The following SPON1 variants were observed in gnomAD, a reference collection of about 807,000 sequenced individuals.
The protein encoded by SPON1 is spondin-1.
SPON1 carries 52 observed loss-of-function variants against 111.7 expected under a neutral mutation model. That is an observed-to-expected ratio of 0.47 (90% CI 0.37 to 0.59). SPON1 has a LOEUF of 0.59. SPON1 is among the 20% of genes least tolerant of loss of function. The pLI, the probability that SPON1 is intolerant of heterozygous loss-of-function variation, is 0.00. For synonymous variants in SPON1, 410 were observed against 395.8 expected (o/e 1.04, Z -0.43); for missense variants, 957 against 1,068.5 (o/e 0.90, Z 1.46).
At chr11:13,984,556 T>G (rs75509644) in intron 2 of SPON1, among the ~76,000 whole-genome samples, 125 of 152,166 alleles carry the variant, frequency 8.2e-4, no homozygotes, top group African/African-American at 2.9e-3. Context: ...ACTAATCCAC[T>G]CCCACGACAA....
intron 6 of SPON1, among the ~76,000 whole-genome samples, chr11:14,137,132 G>C (rs1403200606): frequency 6.6e-6 from 1 of 152,164 alleles, no homozygotes; most frequent in East Asian, 1.9e-4. Flanking sequence ...GCTTTCTTGA[G>C]AGGTTTCTGG....
intron 6 of SPON1, among the ~76,000 whole-genome samples, chr11:14,193,445 C>T (rs1848368601): frequency 6.6e-6 from 1 of 152,156 alleles, no homozygotes; most frequent in African/African-American, 2.4e-5. Flanking sequence ...AACGTATGCA[C>T]ACATATATAT....
chr11:14,183,573 A>T (rs1178321402), intron 6 of SPON1, among the ~76,000 whole-genome samples: 1 of 152,194 alleles, frequency 6.6e-6, no homozygotes, highest in Non-Finnish European at 1.5e-5. Context: ...TTAGAGTTGG[A>T]AGAGAGGGAG....
intron 3 of SPON1, among the ~76,000 whole-genome samples, chr11:14,044,423 T>C (rs1472738318): frequency 1.3e-5 from 2 of 151,936 alleles, no homozygotes; most frequent in Non-Finnish European, 2.9e-5. Context: ...ACCAGCCTGG[T>C]CAACATGGCA....
At chr11:14,205,588 G>A (rs1189494474) in intron 6 of SPON1, among the ~76,000 whole-genome samples, 1 of 152,094 alleles carries the variant, frequency 6.6e-6, no homozygotes, top group Admixed American at 6.5e-5. Context: ...ATTTATGATT[G>A]CAACAACATT....
intron 5 of SPON1, among the ~76,000 whole-genome samples, chr11:14,108,070 AGC>A (rs1164127828): frequency 6.6e-6 from 1 of 152,166 alleles, no homozygotes; most frequent in Non-Finnish European, 1.5e-5. Context: ...TACTAGCTGT[AGC>A]ACCTTGCAGA....
Position 14,257,736 on chromosome 11 carries a change from A to G in SPON1, c.1330A>G (p.Ile444Val), listed in dbSNP as rs1341516437. Residue 444 changes from isoleucine to valine, a missense_variant, in exon 11 of 16, where the codon ATC becomes GTC. Ile to Val is a conservative substitution (Grantham distance 29). This residue lies in a region of SPON1 where 549 missense variants were observed against 606.2 expected (regional missense o/e 0.91). Coordinates refer to ENST00000576479, the MANE Select transcript of SPON1 (RefSeq NM_006108.4). ...TCCAGATGACACCCCTGAAACCTGCATCTACTCCAACTGGTCCCCATGGTC... is the reference window on the plus strand; with the variant it reads ...TCCAGATGACACCCCTGAAACCTGCGTCTACTCCAACTGGTCCCCATGGTC... ...KDEDDTPETCIYSNWSPWSAC... is the reference protein window; with the variant it reads ...KDEDDTPETCVYSNWSPWSAC... 4 of 1,612,406 alleles carry G rather than the reference A, an allele frequency of 2.5e-6. No individual in the cohort carries two copies. Among genetic ancestry groups the G allele is most frequent in the Admixed American group, 1.7e-5 (1 of 59,892 alleles).
At chr11:14,163,688 A>C (rs1355884706) in intron 6 of SPON1, among the ~76,000 whole-genome samples, 1 of 152,202 alleles carries the variant, frequency 6.6e-6, no homozygotes, top group South Asian at 2.1e-4. Flanking sequence ...ATACACATGC[A>C]GAAAAATGAC....
chr11:14,199,094 A>G (rs782229948), intron 6 of SPON1, among the ~76,000 whole-genome samples: 10 of 152,198 alleles, frequency 6.6e-5, no homozygotes, highest in Admixed American at 5.2e-4. Context: ...AGAGTTACTA[A>G]GCACCTAAAT....
At chr11:14,059,152 G>T (rs1554919569) in intron 3 of SPON1, among the ~76,000 whole-genome samples, 1 of 152,152 alleles carries the variant, frequency 6.6e-6, no homozygotes, top group East Asian at 1.9e-4. Flanking sequence ...CCTGCAATGG[G>T]TCCAGGGACA....
chr11:14,147,602 A>T (rs2133866666), intron 6 of SPON1, among the ~76,000 whole-genome samples: 1 of 151,922 alleles, frequency 6.6e-6, no homozygotes, highest in Non-Finnish European at 1.5e-5. Flanking sequence ...GTTTTAGTAG[A>T]GATGGGCTTT....
chr11:14,263,345 T>C (rs1202319587), intron 15 of SPON1, among the ~76,000 whole-genome samples: 1 of 152,188 alleles, frequency 6.6e-6, no homozygotes, highest in African/African-American at 2.4e-5. Context: ...AGCAACACCA[T>C]TCACTCCTTG....
chr11:14,069,709 T>C (rs782352049), intron 3 of SPON1, among the ~76,000 whole-genome samples: 4 of 152,080 alleles, frequency 2.6e-5, no homozygotes, highest in Non-Finnish European at 5.9e-5. Context: ...TTTGAGTGAG[T>C]GATAATTAAT....
intron 6 of SPON1, among the ~76,000 whole-genome samples, chr11:14,143,525 C>T (rs1847681172): frequency 6.6e-6 from 1 of 151,130 alleles, no homozygotes; most frequent in Non-Finnish European, 1.5e-5. Context: ...CACACCACTG[C>T]ACTCCAGCCT....
In SPON1 at chr11:14,057,831, C is replaced by CAAAAAAAAAAAAAAAAAA. The variant is rs782306609; in HGVS notation, c.479+16189_479+16190insAAAAAAAAAAAAAAAAAA. Among the ~76,000 whole-genome samples the CAAAAAAAAAAAAAAAAAA allele has an allele frequency of 4.4e-4, 44 of 100,530 alleles. 1 individual carries two copies. Among genetic ancestry groups the CAAAAAAAAAAAAAAAAAA allele is most frequent in the East Asian group, 1.2e-3 (4 of 3,332 alleles). The allele number at this position is 100,530 out of a possible 152,430, so 66.0% of individuals were successfully genotyped here. A position where few individuals can be genotyped will look rare whatever the true frequency, so the allele number is the denominator to read the frequency against. ...AAAACGTAGTGAGACCTTGTCTCTA[C>CAAAAAAAAAAAAAAAAAA]AAAAAAAAAAAACAAAACAAAAACT... On this transcript the variant is annotated intron_variant, in intron 3 of 15. Transcript: ENST00000576479.
chr11:14,259,151 CT>C lies in SPON1; in HGVS notation c.1493-127del. ...TTTGCCAGTTTAAGGATTTAGACCTCTTAGGTGTGCAGACAACCTCAACTGC... is the reference window on the plus strand; with the variant it reads ...TTTGCCAGTTTAAGGATTTAGACCTCTAGGTGTGCAGACAACCTCAACTGC... On this transcript the variant is annotated intron_variant, in intron 11 of 15. Coordinates refer to ENST00000576479, the MANE Select transcript of SPON1 (RefSeq NM_006108.4). The surrounding 1 kb of genome is among the most constrained non-coding windows in gnomAD (Gnocchi z 5.0). 1.0e-6 allele frequency: 1 copy of C among 996,410 alleles called. No individual in the cohort carries two copies. Among genetic ancestry groups the C allele is most frequent in the Non-Finnish European group, 1.4e-6 (1 of 695,204 alleles). The allele number at this position is 996,410 out of a possible 1,614,324, so 61.7% of individuals were successfully genotyped here.
chr11:14,012,121 A>C (rs149919416), intron 2 of SPON1, among the ~76,000 whole-genome samples: 1 of 152,262 alleles, frequency 6.6e-6, no homozygotes, highest in African/African-American at 2.4e-5. Flanking sequence ...AGGTCATAGG[A>C]GGGAGTTCGT....
chr11:14,161,269 C>A (rs189318268), intron 6 of SPON1, among the ~76,000 whole-genome samples: 455 of 16,324 alleles, frequency 0.028, 5 homozygotes, highest in Non-Finnish European at 0.048. Flanking sequence ...ATTTATATAT[C>A]TGTATATCTA....
At chr11:14,013,395 A>T (rs1469822819) in intron 2 of SPON1, among the ~76,000 whole-genome samples, 1 of 152,212 alleles carries the variant, frequency 6.6e-6, no homozygotes, top group African/African-American at 2.4e-5. Context: ...TTAGTAAAGA[A>T]TTATAGTCAT....
Sources: allele counts gnomAD v4.1 joint callset (sites outside exome capture counted in the v4.1 genomes callset), GRCh38; gene constraint gnomAD v4.1.1; regional missense constraint gnomAD v4.1.1; non-coding constraint Gnocchi (gnomAD v3.1); transcripts MANE v1.5; gene names NCBI Gene and HGNC (gene_info 2026-07-23, HGNC 2026-07-21).